Variants in COP1 observed in about 807,000 individuals in gnomAD.
COP1 encodes the protein E3 ubiquitin-protein ligase COP1.
In COP1, 24 loss-of-function variants were observed where a neutral mutation model predicts 101.3. The observed-to-expected ratio is 0.24, with a 90% CI of 0.17 to 0.33. The LOEUF (loss-of-function observed/expected upper bound fraction) is 0.33, where lower values mean the gene tolerates loss of function less well. Among genes scored for constraint, COP1 ranks in the 10% least tolerant of loss-of-function variants. The pLI is 1.00. For missense variants in COP1, 663 were observed against 906.2 expected (o/e 0.73, Z 3.45); for synonymous variants, 347 against 341.9 (o/e 1.01, Z -0.17).
chr1:176,057,383 G>A lies in COP1; in HGVS notation c.1278-11059C>T, dbSNP rs150187211. Among the ~76,000 whole-genome samples the A allele has an allele frequency of 2.7e-3, 405 of 152,156 alleles. 2 individuals are homozygous for A. Among genetic ancestry groups the A allele is most frequent in the African/African-American group, 9.2e-3 (381 of 41,504 alleles). On this transcript the variant is annotated intron_variant, in intron 11 of 19. Coordinates refer to ENST00000367669, the MANE Select transcript of COP1 (RefSeq NM_022457.7). ...CTTTCCACGATCTCCCTCTGATGCCGAGCGGAAGCTGAACTGTACTGCTGC... is the reference window on the plus strand; with the variant it reads ...CTTTCCACGATCTCCCTCTGATGCCAAGCGGAAGCTGAACTGTACTGCTGC...
At chr1:176,124,761 T>C (rs1455248024) in intron 8 of COP1, among the ~76,000 whole-genome samples, 2 of 152,100 alleles carry the variant, frequency 1.3e-5, no homozygotes, top group Admixed American at 1.3e-4. Flanking sequence ...CATGTATACG[T>C]TTCCTTTCTT....
chr1:176,200,782 A>G (rs1700187943), intron 1 of COP1, among the ~76,000 whole-genome samples: 1 of 152,242 alleles, frequency 6.6e-6, no homozygotes, highest in Non-Finnish European at 1.5e-5. Context: ...ACACATAAAG[A>G]AAGAGGACAA....
chr1:176,069,117 C>T (rs540412610), intron 11 of COP1, among the ~76,000 whole-genome samples: 2 of 151,548 alleles, frequency 1.3e-5, no homozygotes, highest in South Asian at 4.2e-4. Context: ...CCTAGGAGGT[C>T]AAGGCTGTAG....
In COP1 at chr1:176,195,492, C is replaced by A. The variant is rs146826140; in HGVS notation, c.408-10800G>T. The stretch of plus-strand genomic sequence containing the variant: ...ACTTTACTATTTGACATGTATAGAA[C>A]CTCAGCCTACACATGGCAGAGTACT... On this transcript the variant is annotated intron_variant, in intron 1 of 19. Transcript: ENST00000367669. Among the ~76,000 whole-genome samples the A allele has an allele frequency of 2.6e-3, 400 of 152,220 alleles. 3 individuals are homozygous for A. The highest frequency in any genetic ancestry group is 9.2e-3 in the African/African-American group (382 of 41,530).
intron 15 of COP1, among the ~76,000 whole-genome samples, chr1:176,003,693 C>A (rs984317654): frequency 7.2e-5 from 11 of 152,216 alleles, no homozygotes; most frequent in African/African-American, 2.6e-4. Flanking sequence ...GGGCTCTGTT[C>A]TGTTCCATTG....
intron 18 of COP1, among the ~76,000 whole-genome samples, chr1:175,961,625 G>A (rs1277180442): frequency 6.7e-6 from 1 of 149,712 alleles, no homozygotes; most frequent in African/African-American, 2.5e-5. Flanking sequence ...GAGCCTGGGA[G>A]GTCAAGGCTG....
chr1:175,993,587 C>T (rs1002215317), intron 15 of COP1, among the ~76,000 whole-genome samples: 9 of 151,964 alleles, frequency 5.9e-5, no homozygotes, highest in Non-Finnish European at 1.0e-4. Flanking sequence ...TCGAGAACTA[C>T]GTGAAGAATG....
At chr1:176,113,086 C>T (rs1399584657) in intron 9 of COP1, among the ~76,000 whole-genome samples, 1 of 152,132 alleles carries the variant, frequency 6.6e-6, no homozygotes, top group African/African-American at 2.4e-5. Context: ...GTTGTTGGAA[C>T]ATATGACAGT....
chr1:176,196,386 C>G (rs909533370), intron 1 of COP1, among the ~76,000 whole-genome samples: 4 of 151,962 alleles, frequency 2.6e-5, no homozygotes, highest in African/African-American at 9.7e-5. Flanking sequence ...AAAAGAAACA[C>G]AAGAACACAA....
intron 14 of COP1, among the ~76,000 whole-genome samples, chr1:176,039,661 G>A (rs1416085816): frequency 6.6e-6 from 1 of 151,882 alleles, no homozygotes; most frequent in Non-Finnish European, 1.5e-5. Flanking sequence ...AAAGAACAAA[G>A]ATGGAGGACT....
chr1:176,160,255 C>CTTTTTT (rs67600151), intron 5 of COP1: 26 of 238,862 alleles, frequency 1.1e-4, no homozygotes, highest in African/African-American at 2.0e-4. Flanking sequence ...CCACACACAT[C>CTTTTTT]TTTTTTTTTT....
At chr1:176,154,639 A>G (rs1693177346) in intron 5 of COP1, among the ~76,000 whole-genome samples, 1 of 152,090 alleles carries the variant, frequency 6.6e-6, no homozygotes, top group Admixed American at 6.5e-5. Flanking sequence ...ATCGGAGGGT[A>G]GAGGGTGGGA....
intron 15 of COP1, among the ~76,000 whole-genome samples, chr1:176,005,325 G>T (rs1274136490): frequency 1.3e-5 from 2 of 151,666 alleles, no homozygotes; most frequent in Admixed American, 6.6e-5. Flanking sequence ...CTTAATTTTT[G>T]TAGGGTTTTT....
chr1:175,963,613 T>C (rs1034800523), intron 18 of COP1, among the ~76,000 whole-genome samples: 2 of 152,184 alleles, frequency 1.3e-5, no homozygotes, highest in Non-Finnish European at 2.9e-5. Context: ...CTTAGTATAC[T>C]GCCTGGTTGG....
intron 18 of COP1, among the ~76,000 whole-genome samples, chr1:175,975,629 G>C (rs1654353253): frequency 6.6e-6 from 1 of 152,012 alleles, no homozygotes. Context: ...GGCTGGTCTT[G>C]AAATCCTAGC....
intron 11 of COP1, among the ~76,000 whole-genome samples, chr1:176,062,024 G>A (rs908591519): frequency 4.6e-5 from 7 of 152,022 alleles, no homozygotes; most frequent in African/African-American, 1.7e-4. Flanking sequence ...TTTGGAGACG[G>A]CATCTCACTC....
At chr1:175,976,296 T>TTTTTTTTTTTTTTTA (rs1553284850) in intron 18 of COP1, among the ~76,000 whole-genome samples, 1 of 137,306 alleles carries the variant, frequency 7.3e-6, no homozygotes, top group Non-Finnish European at 1.5e-5. Flanking sequence ...TTTTTTTTTT[T>TTTTTTTTTTTTTTTA]AGACAGAGTC....
chr1:176,192,998 T>C (rs1699279122), intron 1 of COP1, among the ~76,000 whole-genome samples: 1 of 152,194 alleles, frequency 6.6e-6, no homozygotes, highest in Admixed American at 6.5e-5. Context: ...ACACTGTATA[T>C]TGCATATACC....
chr1:176,123,158 T>TA (rs996651626), intron 8 of COP1, among the ~76,000 whole-genome samples: 39 of 152,124 alleles, frequency 2.6e-4, no homozygotes, highest in East Asian at 1.7e-3. Context: ...CATCAGGGTT[T>TA]AAAAAAACAA....
Sources: allele counts gnomAD v4.1 joint callset (sites outside exome capture counted in the v4.1 genomes callset), GRCh38; gene constraint gnomAD v4.1.1; transcripts MANE v1.5; gene names NCBI Gene and HGNC (gene_info 2026-07-23, HGNC 2026-07-21).